CTCFL: variants seen among roughly 807,000 people sequenced by gnomAD.
CTCFL encodes the protein transcriptional repressor CTCFL.
CTCFL carries 36 observed loss-of-function variants against 67.4 expected under a neutral mutation model. The observed-to-expected ratio is 0.53, with a 90% CI of 0.41 to 0.71. The LOEUF (loss-of-function observed/expected upper bound fraction) is 0.71. Among genes scored for constraint, CTCFL ranks in the 30% least tolerant of loss-of-function variants. The pLI is 0.00. For synonymous variants in CTCFL, 324 were observed against 302.3 expected (o/e 1.07, Z -0.75); for missense variants, 786 against 835.2 (o/e 0.94, Z 0.73).
chr20:57,508,140 T>C (rs2068322877), intron 9 of CTCFL, among the ~76,000 whole-genome samples: 1 of 152,172 alleles, frequency 6.6e-6, no homozygotes. Context: ...TCTCCCTGTG[T>C]TGCCCAGGCT....
chr20:57,503,483 C>T lies in CTCFL; in HGVS notation c.1793G>A (p.Gly598Asp). ...KQTILKEATKGQKEAAKGWKE... is the reference protein window; with the variant it reads ...KQTILKEATKDQKEAAKGWKE... ...CCATCCCTTCGCAGCTTCCTTCTGA[C>T]CCTTTGTGGCTTCCTTCAGGATGGT... Residue 598 changes from glycine to aspartate, a missense_variant, in exon 10 of 11, where the codon GGT becomes GAT. Gly to Asp is a moderately conservative substitution (Grantham distance 94). Transcript: ENST00000243914. The T allele has an allele frequency of 6.2e-7, 1 of 1,614,216 alleles. No homozygotes were observed. The highest frequency in any genetic ancestry group is 8.5e-7 in the Non-Finnish European group (1 of 1,180,038).
chr20:57,514,359 C>A (rs1204323171), intron 7 of CTCFL, among the ~76,000 whole-genome samples: 1 of 152,188 alleles, frequency 6.6e-6, no homozygotes, highest in Non-Finnish European at 1.5e-5. Flanking sequence ...GGTCTTATCA[C>A]GTGCATACGG....
chr20:57,500,025 A>T, intron 10 of CTCFL: 3 of 987,010 alleles, frequency 3.0e-6, no homozygotes, highest in Non-Finnish European at 2.4e-6. Flanking sequence ...ACACTGAAGA[A>T]CGTGACTGTC....
chr20:57,523,583 T>C, intron 2 of CTCFL, 80 bp downstream of exon 2: 1 of 1,528,962 alleles, frequency 6.5e-7, no homozygotes, highest in South Asian at 1.3e-5. Flanking sequence ...AAATACCTTG[T>C]CCAGACATAA....
At position 57,508,688 on chromosome 20, in the gene CTCFL, G is replaced by A; in HGVS notation, c.1592C>T (p.Ala531Val). ...TGCATCGTGGTATTTCCTGAAGTGA[G>A]CGTTTAGAAGTTGCTTCTGTCGGAA... ...KCFRQKQLLN[A>V]HFRKYHDANF... The change falls in exon 9 of 11, where the codon GCT becomes GTT. Residue 531 changes from alanine to valine, a missense_variant. Transcript: ENST00000243914. 1.2e-6 allele frequency: 2 copies of A among 1,614,182 alleles called. No homozygotes were observed. Among genetic ancestry groups the A allele is most frequent in the Non-Finnish European group, 1.7e-6 (2 of 1,180,014 alleles).
At position 57,523,796 on chromosome 20, in the gene CTCFL, C is replaced by T. The variant is rs2069599046; in HGVS notation, c.410G>A (p.Ser137Asn). ...CGGGGAGTACAGCTCTTGCTGGATA[C>T]TAATGGCCACACACTGCTGCAGGCT... ...RQSLQQCVAI[S>N]IQQELYSPQE... Residue 137 changes from serine (S) to asparagine (N), a missense_variant, in exon 2 of 11, where the codon AGT becomes AAT. Physicochemically the swap from Ser to Asn is conservative, Grantham distance 46 (BLOSUM62 1). This residue lies in a region of CTCFL where 333 missense variants were observed against 304.6 expected (regional missense o/e 1.09). Coordinates refer to ENST00000243914, the MANE Select transcript of CTCFL (RefSeq NM_001386993.1). 1 of 1,613,140 alleles carries T rather than the reference C, an allele frequency of 6.2e-7. No homozygotes were observed. The highest frequency in any genetic ancestry group is 1.3e-5 in the African/African-American group (1 of 74,946).
Position 57,523,921 on chromosome 20 carries a change from C to T in CTCFL, c.285G>A (p.Gln95=), listed in dbSNP as rs1225117574. ...VHFTSEAVEL[Q]DMSLLSIQQQ... ...GCTGTATGCTCAGCAAGCTCATATC[C>T]TGCAACTCCACAGCTTCAGAAGTGA... is the stretch of plus-strand genomic sequence containing the variant. Residue 95 remains glutamine (Q), a synonymous_variant, in exon 2 of 11, where the codon CAG becomes CAA. Coordinates refer to ENST00000243914, the MANE Select transcript of CTCFL (RefSeq NM_001386993.1). 3.7e-6 allele frequency: 6 copies of T among 1,613,076 alleles called. No homozygotes were observed. Among genetic ancestry groups the T allele is most frequent in the Non-Finnish European group, 5.1e-6 (6 of 1,180,034 alleles).
At chr20:57,517,834 C>T (rs935375881) in intron 5 of CTCFL, among the ~76,000 whole-genome samples, 7 of 152,166 alleles carry the variant, frequency 4.6e-5, no homozygotes, top group African/African-American at 1.7e-4. Flanking sequence ...CGGCAGGACA[C>T]CAACAAAAAG....
intron 6 of CTCFL, 103 bp downstream of exon 6, chr20:57,515,611 T>C (rs780843792): frequency 9.3e-6 from 14 of 1,504,028 alleles, no homozygotes; most frequent in African/African-American, 1.4e-5. Flanking sequence ...AAAAATCCAC[T>C]TTTACCTTTG....
rs142991955 is a variant in CTCFL, at chr20:57,507,059, G to T, written c.1674+1547C>A. 6.3e-4 allele frequency: 625 copies of T among 988,280 alleles called. 2 individuals carry two copies. The highest frequency in any genetic ancestry group is 6.3e-3 in the South Asian group (135 of 21,494). 61.2% of individuals were successfully genotyped at this position (988,280 alleles called of 1,614,324 possible). A position where few individuals can be genotyped will look rare whatever the true frequency, so the allele number is the denominator to read the frequency against. ...TAGGCTGAAGCCTACATGGTCCAAG[G>T]ATCTAGCTAGCCATGTGCAGTGGTT... On this transcript the variant is annotated intron_variant, in intron 9 of 10. Transcript: ENST00000243914.
chr20:57,507,436 T>C (rs2068269895), intron 9 of CTCFL: 1 of 624,524 alleles, frequency 1.6e-6, no homozygotes, highest in Admixed American at 2.4e-5. Context: ...GGCCTCAAGT[T>C]ATCCACCTGC....
Position 57,519,199 on chromosome 20 carries a change from A to G in CTCFL, c.925+8T>C. 6.2e-7 allele frequency: 1 copy of G among 1,612,928 alleles called. No homozygotes were observed. The highest frequency in any genetic ancestry group is 1.1e-5 in the South Asian group (1 of 91,028). ...ATTCCAGAGAAACAGCCTTCCCGGC[A>G]GTTTTACCTGTGTGGGTGTTAACAT... On this transcript the variant is annotated splice_region_variant and intron_variant, in intron 4 of 10. Coordinates refer to ENST00000243914, the MANE Select transcript of CTCFL (RefSeq NM_001386993.1).
chr20:57,513,993 A>T, intron 7 of CTCFL: 1 of 858,858 alleles, frequency 1.2e-6, no homozygotes. Flanking sequence ...CTGTTCCAAG[A>T]CCCTCTGGAT....
At chr20:57,502,255 C>T (rs144254531) in intron 10 of CTCFL, among the ~76,000 whole-genome samples, 84 of 152,232 alleles carry the variant, frequency 5.5e-4, no homozygotes, top group Non-Finnish European at 9.4e-4. Flanking sequence ...GTGGACAGAG[C>T]GACTGGAACC....
At chr20:57,516,260 G>A (rs6015019) in intron 5 of CTCFL, among the ~76,000 whole-genome samples, 5 of 152,208 alleles carry the variant, frequency 3.3e-5, no homozygotes, top group African/African-American at 9.6e-5. Flanking sequence ...AGCTCTCGTT[G>A]GGTGTGGTGG....
Position 57,514,661 on chromosome 20 carries a change from G to C in CTCFL, c.1261C>G (p.His421Asp). The change falls in exon 7 of 11, where the codon CAC becomes GAC. Residue 421 changes from histidine (H) to aspartate (D), a missense_variant. His to Asp is a moderately conservative substitution (Grantham distance 81, BLOSUM62 -1). Around this residue, in one of 3 missense-constraint regions of CTCFL, gnomAD observed 254 missense variants for 333.9 expected, o/e 0.76. Coordinates refer to ENST00000243914, the MANE Select transcript of CTCFL (RefSeq NM_001386993.1). The stretch of plus-strand genomic sequence containing the variant: ...TGGTATTTGGGGACATTTTCGCCGT[G>C]TTTCTGCAGAATATGTATTTTCATG... ...GTMKIHILQK[H>D]GENVPKYQCP... The C allele has an allele frequency of 1.2e-6, 2 of 1,614,218 alleles. No individual in the cohort carries two copies. Among genetic ancestry groups the C allele is most frequent in the Non-Finnish European group, 1.7e-6 (2 of 1,180,038 alleles).
rs980860484 is a variant in CTCFL at position 57,498,371 on chromosome 20, T to C, written c.*179A>G. 53 of 1,393,392 alleles carry C rather than the reference T, an allele frequency of 3.8e-5. No homozygotes were observed. Among genetic ancestry groups the C allele is most frequent in the African/African-American group, 5.8e-5 (4 of 69,362 alleles). 86.3% of individuals were successfully genotyped at this position (1,393,392 alleles called of 1,614,324 possible). A position where few individuals can be genotyped will look rare whatever the true frequency, so the allele number is the denominator to read the frequency against. ...GTGTCATCCATTGTCATGAACTTAATTGTTTCAAAGAAAATGCTAAAAATT... is the reference window on the plus strand; with the variant it reads ...GTGTCATCCATTGTCATGAACTTAACTGTTTCAAAGAAAATGCTAAAAATT... On this transcript the variant is annotated 3_prime_UTR_variant, in exon 11 of 11. Coordinates refer to ENST00000243914, the MANE Select transcript of CTCFL (RefSeq NM_001386993.1).
chr20:57,517,728 A>G (rs978081227), intron 5 of CTCFL, among the ~76,000 whole-genome samples: 1 of 152,138 alleles, frequency 6.6e-6, no homozygotes, highest in African/African-American at 2.4e-5. Context: ...TGGCAGCAAT[A>G]GAGACCCCTG....
rs546570696 is a variant in CTCFL, at chr20:57,519,855, C to G, written c.755-478G>C. On this transcript the variant is annotated intron_variant, in intron 3 of 10. Transcript: ENST00000243914. ...AAAAACCATCTAGAATGGTGCCATC[C>G]AAAACCACAGCCATAAGTCATGTGT... 2.6e-5 allele frequency among the ~76,000 whole-genome samples: 4 copies of G among 152,250 alleles called. No homozygotes were observed. The South Asian group carries it at 8.3e-4, about 32-fold the overall frequency.
Sources: allele counts gnomAD v4.1 joint callset (sites outside exome capture counted in the v4.1 genomes callset), GRCh38; gene constraint gnomAD v4.1.1; regional missense constraint gnomAD v4.1.1; transcripts MANE v1.5; gene names NCBI Gene and HGNC (gene_info 2026-07-23, HGNC 2026-07-21).